The following POTEC variants were observed in gnomAD, a reference collection of about 807,000 sequenced individuals.
The protein encoded by POTEC is ANKRD26-like family B member 2.
In POTEC, 35 loss-of-function variants were observed where a neutral mutation model predicts 62.0. That is an observed-to-expected ratio of 0.56 (90% CI 0.43 to 0.75). The LOEUF (loss-of-function observed/expected upper bound fraction) is 0.75. Among genes scored for constraint, POTEC ranks in the 30% least tolerant of loss-of-function variants. The probability of loss-of-function intolerance (pLI) is 0.00; values close to 1 mark genes in which losing one functional copy is unlikely to be tolerated. For missense variants in POTEC, 472 were observed against 655.9 expected, an observed-to-expected ratio of 0.72 and a Z score of 3.06; for synonymous variants, 156 against 221.5, an observed-to-expected ratio of 0.70 and a Z score of 2.62.
chr18:14,528,700 ACTG>A, intron 6 of POTEC: 1 of 223,014 alleles, frequency 4.5e-6, no homozygotes, highest in East Asian at 1.5e-4. Context: ...TCTGGTTCCT[ACTG>A]TTTTAGCCAC....
intron 3 of POTEC, among the ~76,000 whole-genome samples, chr18:14,535,651 C>A (rs1382009570): frequency 6.6e-6 from 1 of 151,716 alleles, no homozygotes; most frequent in Admixed American, 6.6e-5. Context: ...ACCTGCCATC[C>A]TGATTAAGCC....
intron 9 of POTEC, among the ~76,000 whole-genome samples, chr18:14,515,956 A>G (rs1910139166): frequency 6.6e-6 from 1 of 151,996 alleles, no homozygotes; most frequent in Non-Finnish European, 1.5e-5. Flanking sequence ...AGGGTACAAT[A>G]AAACAACAGT....
At position 14,513,663 on chromosome 18, in the gene POTEC, T is replaced by A. The variant is rs1435030246; in HGVS notation, c.1532A>T (p.Glu511Val). The change falls in exon 10 of 11, where the codon GAG (glutamate) becomes GTG (valine). Residue 511 changes from glutamate to valine, a missense_variant and splice_region_variant. Glu to Val is a moderately radical substitution (Grantham distance 121). This residue lies in a region of POTEC where 67 missense variants were observed against 58.3 expected (regional missense o/e 1.15). Transcript: ENST00000358970. ...TTTGAAAATGACTAAAGAAAATACC[T>A]CAGAATTCATTTTCTTTTCAGCCAC... Reference protein sequence around the residue: ...IEVAEKKMNSELSLSHKKEED... With the variant: ...IEVAEKKMNSVLSLSHKKEED... 3 of 1,611,524 alleles carry A rather than the reference T, an allele frequency of 1.9e-6. No homozygotes were observed. The highest frequency in any genetic ancestry group is 2.5e-6 in the Non-Finnish European group (3 of 1,179,788).
intron 9 of POTEC, among the ~76,000 whole-genome samples, chr18:14,514,895 C>G (rs1430051576): frequency 6.6e-6 from 1 of 152,018 alleles, no homozygotes; most frequent in Non-Finnish European, 1.5e-5. Context: ...ATGAATAGTA[C>G]CACTATACAC....
chr18:14,529,381 A>G (rs1441308904), intron 6 of POTEC, among the ~76,000 whole-genome samples: 2 of 152,126 alleles, frequency 1.3e-5, no homozygotes, highest in African/African-American at 4.8e-5. Context: ...CTGTTGAAAA[A>G]GCACAGAAAT....
intron 4 of POTEC, among the ~76,000 whole-genome samples, chr18:14,534,679 C>T (rs1256755611): frequency 6.7e-6 from 1 of 149,316 alleles, no homozygotes; most frequent in South Asian, 2.2e-4. Context: ...AAACATCATA[C>T]AACAAATAAC....
In POTEC at chr18:14,508,661, A is replaced by C. The variant is rs945727062; in HGVS notation, c.*3237T>G. On this transcript the variant is annotated 3_prime_UTR_variant, in exon 11 of 11. Coordinates refer to ENST00000358970, the MANE Select transcript of POTEC (RefSeq NM_001137671.2). ...TTTAGCTTCCTTGTATTGGATTACA[A>C]CATACTTCTTTCACTCAATGAACTT... 3.9e-5 allele frequency: 6 copies of C among 152,608 alleles called. No individual in the cohort carries two copies. Among genetic ancestry groups the C allele is most frequent in the African/African-American group, 1.4e-4 (6 of 41,442 alleles). The allele number at this position is 152,608 out of a possible 1,614,324, so 9.5% of individuals were successfully genotyped here.
At chr18:14,523,176 A>C (rs1022438895) in intron 8 of POTEC, among the ~76,000 whole-genome samples, 1 of 148,702 alleles carries the variant, frequency 6.7e-6, no homozygotes, top group Admixed American at 6.8e-5. Context: ...AATCAGACTA[A>C]AACCAAGAAA....
chr18:14,539,604 G>C (rs549074167), intron 1 of POTEC, among the ~76,000 whole-genome samples: 2 of 150,474 alleles, frequency 1.3e-5, no homozygotes, highest in South Asian at 4.3e-4. Context: ...CAAAGGACAG[G>C]CTCTTGTTCT....
intron 1 of POTEC, among the ~76,000 whole-genome samples, chr18:14,539,249 T>C (rs1398789385): frequency 2.0e-5 from 3 of 152,000 alleles, no homozygotes; most frequent in African/African-American, 7.3e-5. Context: ...AAAATGGATT[T>C]ATGAAACTAT....
At chr18:14,522,814 C>A (rs1244846857) in intron 8 of POTEC, among the ~76,000 whole-genome samples, 1 of 150,970 alleles carries the variant, frequency 6.6e-6, no homozygotes, top group Non-Finnish European at 1.5e-5. Flanking sequence ...TCTGTCTTTA[C>A]CACCTAGATT....
rs1905432242 is a variant in POTEC, at chr18:14,529,632, T to C, written c.1126+851A>G. On this transcript the variant is annotated intron_variant, in intron 6 of 10. Coordinates refer to ENST00000358970, the MANE Select transcript of POTEC (RefSeq NM_001137671.2). ...TACTTTTATTATAATCTGCTGAGCC[T>C]AGAAGTGGGCAATTTGTATATTTAT... Among the ~76,000 whole-genome samples the C allele has an allele frequency of 1.3e-5, 2 of 152,218 alleles. 1 individual carries two copies. The highest frequency in any genetic ancestry group is 2.9e-5 in the Non-Finnish European group (2 of 68,028).
At chr18:14,540,428 G>A (rs1905892980) in intron 1 of POTEC, among the ~76,000 whole-genome samples, 1 of 152,050 alleles carries the variant, frequency 6.6e-6, no homozygotes, top group Non-Finnish European at 1.5e-5. Flanking sequence ...AAATAAGTTT[G>A]ATTATATTTT....
At chr18:14,526,156 C>G (rs1042313138) in intron 6 of POTEC, among the ~76,000 whole-genome samples, 26 of 151,944 alleles carry the variant, frequency 1.7e-4, no homozygotes, top group Non-Finnish European at 1.5e-5. Context: ...CTCCAGCCTC[C>G]CAAAATGCTG....
At chr18:14,531,550 T>A (rs1905517574) in intron 5 of POTEC, 2 of 152,100 alleles carry the variant, frequency 1.3e-5, no homozygotes, top group African/African-American at 4.8e-5. Context: ...TCACAGACCA[T>A]CTTCCATGAC....
chr18:14,513,559 G>T (rs1481414785), intron 10 of POTEC, 103 bp downstream of exon 10: 85 of 1,184,808 alleles, frequency 7.2e-5, no homozygotes, highest in Non-Finnish European at 9.2e-5. Context: ...ACACACACAC[G>T]TGTGTATATA....
intron 6 of POTEC, among the ~76,000 whole-genome samples, chr18:14,526,282 T>A (rs1466044156): frequency 6.6e-6 from 1 of 152,146 alleles, no homozygotes; most frequent in African/African-American, 2.4e-5. Context: ...AACTCCTTCC[T>A]TGAGGTAGCC....
At chr18:14,532,341 C>G (rs1905553160) in intron 5 of POTEC, among the ~76,000 whole-genome samples, 1 of 151,952 alleles carries the variant, frequency 6.6e-6, no homozygotes, top group Non-Finnish European at 1.5e-5. Context: ...GTCAGGATGC[C>G]CAGCGGCCAG....
chr18:14,534,623 AAATT>A (rs1294718048), intron 4 of POTEC, among the ~76,000 whole-genome samples: 3 of 151,616 alleles, frequency 2.0e-5, no homozygotes, highest in African/African-American at 4.8e-5. Context: ...AAACTTCATA[AAATT>A]AATATGAAAT....
Sources: allele counts gnomAD v4.1 joint callset (sites outside exome capture counted in the v4.1 genomes callset), GRCh38; gene constraint gnomAD v4.1.1; regional missense constraint gnomAD v4.1.1; transcripts MANE v1.5; gene names NCBI Gene and HGNC (gene_info 2026-07-23, HGNC 2026-07-21).